COL28A1: variants seen among roughly 807,000 people sequenced by gnomAD.
The protein encoded by COL28A1 is collagen alpha-1(XXVIII) chain.
Under a neutral mutation model 150.2 loss-of-function variants are expected in COL28A1, and 161 were observed. The observed-to-expected ratio is 1.07, with a 90% CI of 0.94 to 1.22. The LOEUF is 1.22. Among genes scored for constraint, COL28A1 ranks in the 50% most tolerant of loss-of-function variants. The pLI, the probability that COL28A1 is intolerant of heterozygous loss-of-function variation, is 0.00. For synonymous variants in COL28A1, 552 were observed against 469.7 expected (o/e 1.18, Z -2.26); for missense variants, 1,617 against 1,388.3 (o/e 1.16, Z -2.62).
At chr7:7,525,291 A>G (rs1781961157) in intron 3 of COL28A1, among the ~76,000 whole-genome samples, 1 of 152,210 alleles carries the variant, frequency 6.6e-6, no homozygotes, top group Non-Finnish European at 1.5e-5. Context: ...AATATTTTTC[A>G]AAACTATTTT....
At chr7:7,405,418 T>C (rs548569131) in intron 27 of COL28A1, among the ~76,000 whole-genome samples, 18 of 152,336 alleles carry the variant, frequency 1.2e-4, no homozygotes, top group African/African-American at 3.8e-4. Context: ...CAATGGGAAC[T>C]ATTAATACAT....
chr7:7,463,366 G>C (rs1037105061), intron 15 of COL28A1, among the ~76,000 whole-genome samples: 3 of 152,092 alleles, frequency 2.0e-5, no homozygotes, highest in East Asian at 1.9e-4. Context: ...GTTTTATAAA[G>C]AGTATCTACA....
intron 27 of COL28A1, among the ~76,000 whole-genome samples, chr7:7,399,712 T>C (rs985089559): frequency 2.6e-5 from 4 of 152,190 alleles, no homozygotes; most frequent in African/African-American, 4.8e-5. Flanking sequence ...TTGAAAGAAG[T>C]GTTTACAACC....
the COL28A1 span, among the ~76,000 whole-genome samples, chr7:7,542,570 G>C: frequency 6.1e-3 from 922 of 152,324 alleles, 10 homozygotes; most frequent in African/African-American, 0.021. Context: ...GACTTACACA[G>C]AGGGCACCCA....
At chr7:7,516,511 T>C (rs895961016) in intron 7 of COL28A1, among the ~76,000 whole-genome samples, 3 of 152,182 alleles carry the variant, frequency 2.0e-5, no homozygotes, top group African/African-American at 7.2e-5. Flanking sequence ...CCCATGGCCC[T>C]TTAAGAAATA....
intron 27 of COL28A1, among the ~76,000 whole-genome samples, chr7:7,412,489 G>T (rs1023340115): frequency 6.6e-6 from 1 of 152,052 alleles, no homozygotes; most frequent in South Asian, 2.1e-4. Context: ...AGAATTCTAG[G>T]CCTTGTTCCT....
intron 15 of COL28A1, among the ~76,000 whole-genome samples, 169 bp from the exon 16 acceptor site, chr7:7,456,281 A>G (rs1042606625): frequency 6.6e-6 from 1 of 152,240 alleles, no homozygotes; most frequent in East Asian, 1.9e-4. Context: ...TTATAATTCA[A>G]ATTCCCCAAA....
upstream of COL28A1, among the ~76,000 whole-genome samples, chr7:7,540,808 A>G (rs1726097741): frequency 1.3e-5 from 2 of 152,324 alleles, no homozygotes; most frequent in South Asian, 2.1e-4. Flanking sequence ...ATTAAAGGCA[A>G]TGAACACCAC....
At chr7:7,513,364 C>T (rs1365059993) in intron 8 of COL28A1, among the ~76,000 whole-genome samples, 1 of 152,216 alleles carries the variant, frequency 6.6e-6, no homozygotes, top group Non-Finnish European at 1.5e-5. Flanking sequence ...GAACAAGGCA[C>T]ACTATCATAG....
intron 8 of COL28A1, among the ~76,000 whole-genome samples, chr7:7,512,579 C>CATTA (rs1438390704): frequency 1.2e-4 from 19 of 152,004 alleles, no homozygotes; most frequent in African/African-American, 4.3e-4. Context: ...AATACTAATC[C>CATTA]ATTATATCAG....
In COL28A1 at chr7:7,494,209, C is replaced by T. The variant is rs573046328; in HGVS notation, c.1027-3563G>A. 2.6e-5 allele frequency among the ~76,000 whole-genome samples: 4 copies of T among 152,254 alleles called. No homozygotes were observed. In the East Asian group the frequency reaches 7.7e-4, roughly 29 times the overall value. On this transcript the variant is annotated intron_variant, in intron 11 of 34. Transcript: ENST00000399429. Reference sequence around the variant, plus strand: ...TTATCAGCACTGCCCAGACATGTTACATACATTATCTCATTTAATCTTCTA... The same window carrying T: ...TTATCAGCACTGCCCAGACATGTTATATACATTATCTCATTTAATCTTCTA...
chr7:7,401,194 A>G (rs542303054), intron 27 of COL28A1, among the ~76,000 whole-genome samples: 3 of 151,956 alleles, frequency 2.0e-5, no homozygotes, highest in Non-Finnish European at 4.4e-5. Context: ...TGGCCACTCC[A>G]TCTCAGCCTT....
intron 9 of COL28A1, among the ~76,000 whole-genome samples, chr7:7,509,311 C>T (rs961903621): frequency 5.9e-5 from 9 of 152,012 alleles, no homozygotes; most frequent in African/African-American, 1.4e-4. Context: ...TTTGTAGAGA[C>T]GGGGCCTCAC....
chr7:7,500,317 T>G (rs1361990834), intron 11 of COL28A1, among the ~76,000 whole-genome samples: 5 of 152,240 alleles, frequency 3.3e-5, no homozygotes, highest in Non-Finnish European at 5.9e-5. Context: ...TTTTATTCAC[T>G]CATTCATTCA....
intron 33 of COL28A1, among the ~76,000 whole-genome samples, chr7:7,361,280 C>CAAGG (rs201481394): frequency 6.6e-6 from 1 of 151,720 alleles, no homozygotes; most frequent in Non-Finnish European, 1.5e-5. Context: ...TATAACGAAA[C>CAAGG]AAGAAAGGCA....
intron 11 of COL28A1, among the ~76,000 whole-genome samples, chr7:7,498,416 G>A (rs1053014997): frequency 6.6e-6 from 1 of 152,148 alleles, no homozygotes; most frequent in African/African-American, 2.4e-5. Flanking sequence ...GGGTGTATAT[G>A]ACAGCGTGAT....
intron 15 of COL28A1, among the ~76,000 whole-genome samples, chr7:7,463,019 A>G (rs1246526947): frequency 6.6e-6 from 1 of 152,060 alleles, no homozygotes; most frequent in African/African-American, 2.4e-5. Flanking sequence ...AAAGCCTCCA[A>G]GAAATCTGGG....
At chr7:7,440,236 T>C (rs1785665903) in intron 21 of COL28A1, among the ~76,000 whole-genome samples, 1 of 152,224 alleles carries the variant, frequency 6.6e-6, no homozygotes, top group African/African-American at 2.4e-5. Context: ...TCTGAATAAT[T>C]CGATGTATTC....
chr7:7,455,667 T>TG lies in COL28A1; in HGVS notation c.1371+376dup, dbSNP rs374251648. On this transcript the variant is annotated intron_variant, in intron 16 of 34. Transcript: ENST00000399429. ...GTAGGGGGATACCACTCTACTCCAT[T>TG]GGGAGAGAGTGGGATTTAATTTTCA... Among the ~76,000 whole-genome samples the TG allele has an allele frequency of 1.7e-3, 263 of 152,258 alleles. 1 individual carries two copies. The highest frequency in any genetic ancestry group is 5.9e-3 in the African/African-American group (246 of 41,556).
Sources: gnomAD v4.1 joint callset for allele counts (sites outside exome capture counted in the v4.1 genomes callset) on GRCh38, gnomAD v4.1.1 for gene constraint, MANE v1.5 for transcripts, NCBI Gene and HGNC (gene_info 2026-07-23, HGNC 2026-07-21) for gene names.